TNFSF4: variants seen among roughly 807,000 people sequenced by gnomAD.
TNFSF4 encodes tumor necrosis factor ligand superfamily member 4.
Under a neutral mutation model 7.3 loss-of-function variants are expected in TNFSF4, and 4 were observed. The ratio of observed to expected loss-of-function variants is 0.55; its 90% CI spans 0.27 to 1.25. The LOEUF is 1.25. Ranked by LOEUF, TNFSF4 falls within the 50% of genes most tolerant of loss-of-function variation. TNFSF4 has a pLI of 0.12. For missense variants in TNFSF4, 181 were observed against 208.8 expected, an observed-to-expected ratio of 0.87 and a Z score of 0.82; for synonymous variants, 76 against 83.7, an observed-to-expected ratio of 0.91 and a Z score of 0.50.
chr1:173,442,497 T>G, the TNFSF4 span, among the ~76,000 whole-genome samples: 1 of 151,764 alleles, frequency 6.6e-6, no homozygotes, highest in East Asian at 1.9e-4. Flanking sequence ...TCTAATCCAC[T>G]CGGGTTTTTT....
At chr1:173,434,213 C>A in the TNFSF4 span, among the ~76,000 whole-genome samples, 3 of 152,214 alleles carry the variant, frequency 2.0e-5, no homozygotes, top group Non-Finnish European at 4.4e-5. Flanking sequence ...AACTAATGCA[C>A]AGTTGTTTTA....
chr1:173,249,417 C>A, the TNFSF4 span, among the ~76,000 whole-genome samples: 1 of 152,192 alleles, frequency 6.6e-6, no homozygotes, highest in Non-Finnish European at 1.5e-5. Flanking sequence ...ACTGTCCATT[C>A]AATTTCTACA....
the TNFSF4 span, among the ~76,000 whole-genome samples, chr1:173,376,210 A>G: frequency 1.3e-5 from 2 of 152,232 alleles, no homozygotes; most frequent in South Asian, 2.1e-4. Flanking sequence ...ATGCCCATCA[A>G]TGATAGAATG....
chr1:173,324,922 T>A, the TNFSF4 span, among the ~76,000 whole-genome samples: 1 of 152,276 alleles, frequency 6.6e-6, no homozygotes, highest in South Asian at 2.1e-4. Flanking sequence ...ATGGGAGACT[T>A]TAACACCCCA....
At chr1:173,362,574 G>T in the TNFSF4 span, 1 of 526,506 alleles carries the variant, frequency 1.9e-6, no homozygotes, top group South Asian at 1.5e-5. Context: ...ACACTAAGTT[G>T]TCTTTCAGTT....
the TNFSF4 span, among the ~76,000 whole-genome samples, chr1:173,333,794 G>T: frequency 1.3e-5 from 2 of 152,092 alleles, no homozygotes; most frequent in East Asian, 3.9e-4. Context: ...GACAGCATGC[G>T]CTGACTAAGA....
At chr1:173,179,527 C>A (rs111538061), downstream of TNFSF4, among the ~76,000 whole-genome samples, 4 of 152,146 alleles carry the variant, frequency 2.6e-5, no homozygotes, top group African/African-American at 9.7e-5. Flanking sequence ...TTAATCATAC[C>A]TAACATCCAA....
the TNFSF4 span, among the ~76,000 whole-genome samples, chr1:173,383,493 T>C: frequency 1.1e-4 from 16 of 152,328 alleles, no homozygotes; most frequent in East Asian, 2.5e-3. Flanking sequence ...GTGGTTTGTA[T>C]AGCTTGGGAT....
the TNFSF4 span, among the ~76,000 whole-genome samples, chr1:173,449,654 T>C: frequency 6.6e-6 from 1 of 152,126 alleles, no homozygotes; most frequent in African/African-American, 2.4e-5. Context: ...CATTTCTTTA[T>C]AACAATGCAA....
At chr1:173,182,284 G>A (rs893621307), downstream of TNFSF4, among the ~76,000 whole-genome samples, 5 of 152,078 alleles carry the variant, frequency 3.3e-5, no homozygotes, top group Admixed American at 6.5e-5. Flanking sequence ...AAGGGAAAAC[G>A]GAAAAATGTT....
At chr1:173,366,714 T>C in the TNFSF4 span, among the ~76,000 whole-genome samples, 1 of 152,176 alleles carries the variant, frequency 6.6e-6, no homozygotes, top group Non-Finnish European at 1.5e-5. Context: ...GTGCACTGTA[T>C]GCCTGTATCA....
chr1:173,308,521 T>A, the TNFSF4 span, among the ~76,000 whole-genome samples: 1 of 151,958 alleles, frequency 6.6e-6, no homozygotes. Flanking sequence ...AAAAAAATCC[T>A]ATTTTTTGTT....
the TNFSF4 span, among the ~76,000 whole-genome samples, chr1:173,177,430 C>A: frequency 6.6e-6 from 1 of 151,600 alleles, no homozygotes; most frequent in Admixed American, 6.6e-5. Flanking sequence ...CAACAGACAC[C>A]GGGGCCTACT....
At chr1:173,296,390 G>T in the TNFSF4 span, among the ~76,000 whole-genome samples, 1 of 151,998 alleles carries the variant, frequency 6.6e-6, no homozygotes, top group Non-Finnish European at 1.5e-5. Context: ...GAAGAAAAAA[G>T]TGTGAGGATG....
chr1:173,238,346 G>T, the TNFSF4 span, among the ~76,000 whole-genome samples: 1 of 152,156 alleles, frequency 6.6e-6, no homozygotes, highest in Non-Finnish European at 1.5e-5. Flanking sequence ...AAATGGCAAA[G>T]ATTTCACAAC....
chr1:173,299,024 T>C, the TNFSF4 span, among the ~76,000 whole-genome samples: 4 of 151,978 alleles, frequency 2.6e-5, no homozygotes, highest in East Asian at 3.9e-4. Context: ...TTTCCAATTA[T>C]ACATTTGAAA....
the TNFSF4 span, among the ~76,000 whole-genome samples, chr1:173,213,309 A>T: frequency 1.3e-5 from 2 of 151,498 alleles, no homozygotes; most frequent in Non-Finnish European, 2.9e-5. Context: ...GTTTTTTTTT[A>T]AATCTTGACC....
chr1:173,378,889 AC>A, the TNFSF4 span, among the ~76,000 whole-genome samples: 1 of 140,804 alleles, frequency 7.1e-6, no homozygotes, highest in South Asian at 2.5e-4. Flanking sequence ...CCCCCCCACC[AC>A]AGGCTATCAT....
the TNFSF4 span, among the ~76,000 whole-genome samples, chr1:173,242,028 A>G: frequency 3.4e-3 from 517 of 152,306 alleles, 5 homozygotes; most frequent in African/African-American, 0.011. Flanking sequence ...TTGGAATTTT[A>G]GGTCTTACAA....
Sources: allele counts gnomAD v4.1 joint callset (sites outside exome capture counted in the v4.1 genomes callset), GRCh38; gene constraint gnomAD v4.1.1; transcripts MANE v1.5; gene names NCBI Gene and HGNC (gene_info 2026-07-23, HGNC 2026-07-21).